Variants in TNS1 observed in about 807,000 individuals in gnomAD.
The protein encoded by TNS1 is tensin 1, also known as tensin-1.
Under a neutral mutation model 168.6 loss-of-function variants are expected in TNS1, and 62 were observed. The observed-to-expected ratio is 0.37, with a 90% CI of 0.30 to 0.45. The LOEUF (loss-of-function observed/expected upper bound fraction) is 0.45. Ranked by LOEUF, TNS1 falls within the 20% of genes least tolerant of loss-of-function variation. The pLI, the probability that TNS1 is intolerant of heterozygous loss-of-function variation, is 1.00. For missense variants in TNS1, 2,240 were observed against 2,339.4 expected (o/e 0.96, Z 0.88); for synonymous variants, 934 against 933.2 (o/e 1.00, Z -0.02).
intron 6 of TNS1, 50 bp downstream of exon 6, chr2:217,906,285 C>T (rs1429272589): frequency 1.4e-6 from 1 of 690,222 alleles, no homozygotes; most frequent in South Asian, 1.5e-5. Flanking sequence ...CCCCATTCCC[C>T]CTGGCCACCA....
At chr2:217,926,342 T>C (rs1159993576) in intron 3 of TNS1, among the ~76,000 whole-genome samples, 1 of 152,220 alleles carries the variant, frequency 6.6e-6, no homozygotes, top group Non-Finnish European at 1.5e-5. Flanking sequence ...TGTTGTAGCA[T>C]GTATGAGAAC....
intron 18 of TNS1, chr2:217,849,964 T>C (rs1040763789): frequency 1.3e-5 from 13 of 985,388 alleles, no homozygotes; most frequent in Non-Finnish European, 1.6e-5. Flanking sequence ...AAGGATGTGA[T>C]AGAACCATTC....
At position 217,844,767 on chromosome 2, in the gene TNS1, G is replaced by A. The variant is rs183412264; in HGVS notation, c.3007+2743C>T. On this transcript the variant is annotated intron_variant, in intron 19 of 32. Transcript: ENST00000682258. ...CCTATTAAACTCTAGACTCCTTAAG[G>A]ATAAGATCCATATCTGATTTCCAAC... 1.8e-4 allele frequency among the ~76,000 whole-genome samples: 28 copies of A among 152,154 alleles called. No individual in the cohort carries two copies. The East Asian group carries it at 2.7e-3, about 15-fold the overall frequency.
chr2:217,954,849 C>T lies in TNS1; in HGVS notation c.186+23916G>A, dbSNP rs184213849. ...TGCACACATGGTGCCCACACACTCTCATGAGTAAAGGACCCAAAGATCCAC... is the reference window on the plus strand; with the variant it reads ...TGCACACATGGTGCCCACACACTCTTATGAGTAAAGGACCCAAAGATCCAC... On this transcript the variant is annotated intron_variant, in intron 3 of 32. Transcript: ENST00000682258. 1.0e-3 allele frequency among the ~76,000 whole-genome samples: 156 copies of T among 152,302 alleles called. 1 individual carries two copies. The highest frequency in any genetic ancestry group is 3.5e-3 in the African/African-American group (146 of 41,544).
chr2:217,842,615 G>C (rs1946129611), intron 19 of TNS1, among the ~76,000 whole-genome samples: 1 of 152,070 alleles, frequency 6.6e-6, no homozygotes, highest in Non-Finnish European at 1.5e-5. Context: ...GCCCACCCTG[G>C]TCAATTCAGA....
At chr2:217,859,735 T>A (rs1559254661) in intron 18 of TNS1, 1 of 1,507,382 alleles carries the variant, frequency 6.6e-7, no homozygotes, top group Non-Finnish European at 8.9e-7. Context: ...GTATCACTTT[T>A]CAGAGTTCGC....
chr2:217,868,801 C>A (rs1178204527), intron 18 of TNS1, among the ~76,000 whole-genome samples: 1 of 152,224 alleles, frequency 6.6e-6, no homozygotes, highest in Non-Finnish European at 1.5e-5. Flanking sequence ...CAGCACGGGG[C>A]CTCCCAAGGA....
chr2:218,028,284 G>C (rs1437745578), intron 1 of TNS1, among the ~76,000 whole-genome samples: 1 of 152,140 alleles, frequency 6.6e-6, no homozygotes, highest in Non-Finnish European at 1.5e-5. Flanking sequence ...TGGGTGCCCA[G>C]AGAAGCTCAG....
intron 18 of TNS1, among the ~76,000 whole-genome samples, chr2:217,875,772 G>A (rs1279536491): frequency 6.6e-6 from 1 of 152,192 alleles, no homozygotes; most frequent in Non-Finnish European, 1.5e-5. Flanking sequence ...CCAGACAAAA[G>A]CACTTGGGGA....
intron 1 of TNS1, among the ~76,000 whole-genome samples, chr2:218,026,649 G>A (rs1008636219): frequency 3.3e-5 from 5 of 152,172 alleles, no homozygotes; most frequent in East Asian, 1.9e-4. Flanking sequence ...CAAACACTCC[G>A]TATCCCTACC....
intron 12 of TNS1, 92 bp downstream of exon 12, chr2:217,890,870 A>G: frequency 7.1e-7 from 1 of 1,416,606 alleles, no homozygotes; most frequent in Non-Finnish European, 9.9e-7. Context: ...ACCTAGGCAC[A>G]GCTATCCCAT....
At chr2:217,829,828 A>G (rs16858298) in intron 22 of TNS1, 397,916 of 1,613,360 alleles carry the variant, frequency 0.25, 50,049 homozygotes, top group Middle Eastern at 0.34. Context: ...AGGAAGTCAC[A>G]GCAAATGCTA....
At chr2:217,953,038 C>T (rs1957279415) in intron 3 of TNS1, among the ~76,000 whole-genome samples, 1 of 152,248 alleles carries the variant, frequency 6.6e-6, no homozygotes, top group African/African-American at 2.4e-5. Flanking sequence ...CAGGCCTCTG[C>T]ATCACACTGG....
chr2:217,961,550 G>T (rs1957497061), intron 3 of TNS1, among the ~76,000 whole-genome samples: 1 of 152,048 alleles, frequency 6.6e-6, no homozygotes, highest in Admixed American at 6.6e-5. Context: ...TACATACCCA[G>T]GAACAATGCT....
chr2:217,964,260 A>G (rs1343282102), intron 3 of TNS1, among the ~76,000 whole-genome samples: 1 of 152,250 alleles, frequency 6.6e-6, no homozygotes, highest in Non-Finnish European at 1.5e-5. Context: ...TAATGCATTT[A>G]ATTCTTACAA....
intron 1 of TNS1, among the ~76,000 whole-genome samples, chr2:218,031,111 T>TGA (rs1180347251): frequency 1.9e-5 from 2 of 106,780 alleles, no homozygotes; most frequent in African/African-American, 1.4e-4. Flanking sequence ...TGTGTATGAG[T>TGA]GTGTGTGAGC....
At chr2:217,980,849 G>T (rs1383970449) in intron 2 of TNS1, among the ~76,000 whole-genome samples, 1 of 152,016 alleles carries the variant, frequency 6.6e-6, no homozygotes, top group Non-Finnish European at 1.5e-5. Flanking sequence ...TCAGCTGCCT[G>T]GTACACTCCC....
chr2:218,015,913 C>T (rs976088159), intron 1 of TNS1, among the ~76,000 whole-genome samples: 2 of 152,200 alleles, frequency 1.3e-5, no homozygotes, highest in African/African-American at 2.4e-5. Context: ...AGACTGCAGA[C>T]CTAGGAGCTG....
At chr2:217,968,702 G>A (rs1450688240) in intron 3 of TNS1, among the ~76,000 whole-genome samples, 1 of 152,052 alleles carries the variant, frequency 6.6e-6, no homozygotes, top group East Asian at 1.9e-4. Flanking sequence ...GGTGTTTTTT[G>A]TTTCCTGTTT....
Sources: gnomAD v4.1 joint callset for allele counts (sites outside exome capture counted in the v4.1 genomes callset) on GRCh38, gnomAD v4.1.1 for gene constraint, MANE v1.5 for transcripts, NCBI Gene and HGNC (gene_info 2026-07-23, HGNC 2026-07-21) for gene names.